The following SEMA5A variants were observed in gnomAD, a reference collection of about 807,000 sequenced individuals.
SEMA5A encodes semaphorin-5A.
SEMA5A carries 55 observed loss-of-function variants against 135.5 expected under a neutral mutation model. The observed-to-expected ratio is 0.41, with a 90% CI of 0.33 to 0.51. The LOEUF (loss-of-function observed/expected upper bound fraction) is 0.51, where lower values mean the gene tolerates loss of function less well. SEMA5A is among the 20% of genes least tolerant of loss of function. The pLI, the probability that SEMA5A is intolerant of heterozygous loss-of-function variation, is 0.37. For synonymous variants in SEMA5A, 580 were observed against 546.5 expected (o/e 1.06, Z -0.85); for missense variants, 1,290 against 1,419.9 (o/e 0.91, Z 1.47).
intron 5 of SEMA5A, among the ~76,000 whole-genome samples, chr5:9,243,764 G>T: frequency 6.6e-6 from 1 of 152,174 alleles, no homozygotes; most frequent in East Asian, 1.9e-4. Flanking sequence ...AGAGTATTAA[G>T]TGGCAGCCCC....
At chr5:9,339,338 G>C (rs1417104687) in intron 3 of SEMA5A, among the ~76,000 whole-genome samples, 1 of 152,132 alleles carries the variant, frequency 6.6e-6, no homozygotes, top group Non-Finnish European at 1.5e-5. Flanking sequence ...AGAGTGACAG[G>C]AAAGATGTCC....
At chr5:9,110,700 C>T (rs1023039834) in intron 15 of SEMA5A, among the ~76,000 whole-genome samples, 3 of 152,190 alleles carry the variant, frequency 2.0e-5, no homozygotes, top group African/African-American at 7.2e-5. Context: ...ACCAACTGGG[C>T]AAGCAGTTTA....
At chr5:9,402,729 T>A (rs1756712667) in intron 2 of SEMA5A, among the ~76,000 whole-genome samples, 1 of 152,250 alleles carries the variant, frequency 6.6e-6, no homozygotes, top group African/African-American at 2.4e-5. Context: ...CTGCTTTTAA[T>A]GTTCCCAATA....
At chr5:9,507,295 G>A (rs1460462004) in intron 1 of SEMA5A, among the ~76,000 whole-genome samples, 1 of 152,156 alleles carries the variant, frequency 6.6e-6, no homozygotes, top group Admixed American at 6.5e-5. Flanking sequence ...AGATTTACAT[G>A]TTAACTAGTT....
intron 8 of SEMA5A, among the ~76,000 whole-genome samples, chr5:9,216,183 T>A (rs1327900343): frequency 1.3e-5 from 2 of 152,232 alleles, no homozygotes; most frequent in Admixed American, 6.5e-5. Context: ...GTATGTTGTA[T>A]CTTTGTTCTC....
At chr5:9,348,614 T>G (rs374736871) in intron 3 of SEMA5A, among the ~76,000 whole-genome samples, 2 of 152,384 alleles carry the variant, frequency 1.3e-5, no homozygotes, top group African/African-American at 4.8e-5. Flanking sequence ...AAAATCTCCA[T>G]GTTGTGACAA....
intron 3 of SEMA5A, among the ~76,000 whole-genome samples, chr5:9,344,335 G>A (rs1753771060): frequency 6.6e-6 from 1 of 152,148 alleles, no homozygotes; most frequent in Non-Finnish European, 1.5e-5. Flanking sequence ...ATAAGGCTAA[G>A]GCAATATTTC....
At chr5:9,284,673 A>G (rs2040820) in intron 5 of SEMA5A, among the ~76,000 whole-genome samples, 6,671 of 152,266 alleles carry the variant, frequency 0.044, 174 homozygotes, top group Middle Eastern at 0.17. Context: ...GAAATCACAA[A>G]TGAAACAAAA....
chr5:9,421,061 T>G (rs2126631324), intron 2 of SEMA5A, among the ~76,000 whole-genome samples: 1 of 152,256 alleles, frequency 6.6e-6, no homozygotes, highest in Non-Finnish European at 1.5e-5. Flanking sequence ...TTCCAAAATC[T>G]TCATACTTTT....
intron 17 of SEMA5A, among the ~76,000 whole-genome samples, chr5:9,063,427 A>G (rs1422912422): frequency 6.6e-6 from 1 of 152,272 alleles, no homozygotes; most frequent in African/African-American, 2.4e-5. Context: ...CAAAGAAAAC[A>G]CAACTTTCTC....
chr5:9,314,377 A>AAG (rs1752300572), intron 5 of SEMA5A, among the ~76,000 whole-genome samples: 1 of 152,052 alleles, frequency 6.6e-6, no homozygotes, highest in African/African-American at 2.4e-5. Flanking sequence ...GTTCCAGAAA[A>AAG]AAAAAAAAAA....
At chr5:9,340,917 A>G (rs1346965511) in intron 3 of SEMA5A, among the ~76,000 whole-genome samples, 2 of 152,098 alleles carry the variant, frequency 1.3e-5, no homozygotes, top group Non-Finnish European at 2.9e-5. Context: ...GATCAGAGAA[A>G]AGGCACTCAA....
chr5:9,220,672 C>T (rs1315048196), intron 8 of SEMA5A, among the ~76,000 whole-genome samples: 1 of 152,082 alleles, frequency 6.6e-6, no homozygotes, highest in Non-Finnish European at 1.5e-5. Context: ...TAAAGACCAG[C>T]GGAAGGAAAA....
rs1236586806 is a variant in SEMA5A at position 9,108,039 on chromosome 5, T to C, written c.2073+101A>G. The C allele has an allele frequency of 2.3e-5, 33 of 1,408,044 alleles. No homozygotes were observed. In the South Asian group the frequency reaches 4.5e-4, roughly 19 times the overall value. 87.2% of individuals were successfully genotyped at this position (1,408,044 alleles called of 1,614,324 possible). A position where few individuals can be genotyped will look rare whatever the true frequency, so the allele number is the denominator to read the frequency against. ...GCCTCTAGTGTGTGCAGAACATTTA[T>C]TGTTTGCAGAACATCTAGTGTGTGC... On this transcript the variant is annotated intron_variant, in intron 16 of 22. Coordinates refer to ENST00000382496, the MANE Select transcript of SEMA5A (RefSeq NM_003966.3).
chr5:9,500,700 G>C (rs1475749367), intron 1 of SEMA5A, among the ~76,000 whole-genome samples: 1 of 152,184 alleles, frequency 6.6e-6, no homozygotes, highest in Admixed American at 6.5e-5. Context: ...GCAGTATATA[G>C]GGTATACTTA....
intron 5 of SEMA5A, among the ~76,000 whole-genome samples, chr5:9,308,179 C>A (rs1751961340): frequency 6.6e-6 from 1 of 152,118 alleles, no homozygotes; most frequent in Admixed American, 6.6e-5. Flanking sequence ...GCTATCGGCA[C>A]CCCATCCAGC....
At position 9,281,752 on chromosome 5, in the gene SEMA5A, G is replaced by A. The variant is rs141914459; in HGVS notation, c.270+36620C>T. ...CCAAGAGATACTGCTGTCCAAGACC[G>A]GGGAGAAGACGGCATGCTGTGACTA... On this transcript the variant is annotated intron_variant, in intron 5 of 22. Coordinates refer to ENST00000382496, the MANE Select transcript of SEMA5A (RefSeq NM_003966.3). Among the ~76,000 whole-genome samples, 704 of 151,952 alleles carry A rather than the reference G, an allele frequency of 4.6e-3. 5 individuals carry two copies. Among genetic ancestry groups the A allele is most frequent in the African/African-American group, 0.016 (676 of 41,432 alleles).
At chr5:9,184,069 A>G (rs1744672160) in intron 11 of SEMA5A, among the ~76,000 whole-genome samples, 3 of 151,928 alleles carry the variant, frequency 2.0e-5, no homozygotes, top group Admixed American at 6.6e-5. Flanking sequence ...CATGTTTGTA[A>G]AAGAGATTTT....
chr5:9,444,784 G>A (rs569139770), intron 1 of SEMA5A, among the ~76,000 whole-genome samples: 1 of 152,292 alleles, frequency 6.6e-6, no homozygotes, highest in East Asian at 1.9e-4. Context: ...AGAAAGAGAT[G>A]GGATATAGTG....
Sources: gnomAD v4.1 joint callset for allele counts (sites outside exome capture counted in the v4.1 genomes callset) on GRCh38, gnomAD v4.1.1 for gene constraint, MANE v1.5 for transcripts, NCBI Gene and HGNC (gene_info 2026-07-23, HGNC 2026-07-21) for gene names.